Variants in KIAA0753 observed in about 807,000 individuals in gnomAD.
KIAA0753 encodes KIAA0753.
Under a neutral mutation model 116.9 loss-of-function variants are expected in KIAA0753, and 114 were observed. The ratio of observed to expected loss-of-function variants is 0.98; its 90% CI spans 0.84 to 1.14. The LOEUF is 1.14. Among genes scored for constraint, KIAA0753 ranks in the 50% most tolerant of loss-of-function variants. The probability of loss-of-function intolerance (pLI) is 0.00; values close to 1 mark genes in which losing one functional copy is unlikely to be tolerated. For synonymous variants in KIAA0753, 405 were observed against 413.1 expected, an observed-to-expected ratio of 0.98 and a Z score of 0.24; for missense variants, 1,156 against 1,172.4, an observed-to-expected ratio of 0.99 and a Z score of 0.20.
At chr17:6,584,508 G>T (rs1397153815) in intron 18 of KIAA0753, among the ~76,000 whole-genome samples, 1 of 152,054 alleles carries the variant, frequency 6.6e-6, no homozygotes, top group Non-Finnish European at 1.5e-5. Flanking sequence ...AAATACAAGG[G>T]TACTTCTGCT....
chr17:6,635,364 C>A, intron 1 of KIAA0753, 193 bp from the exon 2 acceptor site: 1 of 243,544 alleles, frequency 4.1e-6, no homozygotes, highest in Non-Finnish European at 6.9e-6. Flanking sequence ...TGGAAGTTCC[C>A]AATTTCAAAA....
chr17:6,598,402 A>G (rs1248512198), intron 14 of KIAA0753, among the ~76,000 whole-genome samples: 1 of 152,216 alleles, frequency 6.6e-6, no homozygotes, highest in Non-Finnish European at 1.5e-5. Flanking sequence ...TTATGAAAAT[A>G]TGTTACAGCT....
intron 18 of KIAA0753, among the ~76,000 whole-genome samples, chr17:6,587,728 G>A (rs1968685252): frequency 6.6e-6 from 1 of 152,156 alleles, no homozygotes; most frequent in Admixed American, 6.5e-5. Context: ...ATATACCAAA[G>A]AAAAGTCTCA....
chr17:6,609,917 T>C (rs1302054969), intron 9 of KIAA0753, 77 bp downstream of exon 9: 6 of 1,511,244 alleles, frequency 4.0e-6, no homozygotes, highest in Non-Finnish European at 5.4e-6. Flanking sequence ...TTGCTCCTTA[T>C]AAGCTACAGG....
At chr17:6,619,208 A>G (rs1417989782) in intron 7 of KIAA0753, among the ~76,000 whole-genome samples, 1 of 152,080 alleles carries the variant, frequency 6.6e-6, no homozygotes, top group Non-Finnish European at 1.5e-5. Context: ...CAGCCTGGAC[A>G]ACGGAGCGAG....
chr17:6,610,769 C>T (rs1209796164), intron 8 of KIAA0753, among the ~76,000 whole-genome samples: 1 of 152,042 alleles, frequency 6.6e-6, no homozygotes, highest in Non-Finnish European at 1.5e-5. Context: ...ATGAGTAAAA[C>T]ATTTTTCATA....
At chr17:6,605,521 T>C (rs185142939) in intron 12 of KIAA0753, among the ~76,000 whole-genome samples, 240 of 152,352 alleles carry the variant, frequency 1.6e-3, no homozygotes, top group Non-Finnish European at 3.0e-3. Flanking sequence ...CTGTTCAACC[T>C]GTCTTCCCCT....
At chr17:6,585,347 C>A (rs1968496910) in intron 18 of KIAA0753, among the ~76,000 whole-genome samples, 1 of 152,122 alleles carries the variant, frequency 6.6e-6, no homozygotes, top group African/African-American at 2.4e-5. Context: ...GTGTTCTGTT[C>A]TATTCATTTA....
rs530304205 is a variant in KIAA0753, at chr17:6,597,147, C to T, written c.2173-804G>A. Among the ~76,000 whole-genome samples the T allele has an allele frequency of 5.9e-5, 9 of 152,292 alleles. No individual in the cohort carries two copies. The East Asian group carries it at 9.6e-4, about 16-fold the overall frequency. Reference sequence around the variant, plus strand: ...TGTAGGGATTTCATAAGAGCTTGCACGCTGAGACACTTAGCATAGTGCTCG... The same window carrying T: ...TGTAGGGATTTCATAAGAGCTTGCATGCTGAGACACTTAGCATAGTGCTCG... On this transcript the variant is annotated intron_variant, in intron 14 of 18. Coordinates refer to ENST00000361413, the MANE Select transcript of KIAA0753 (RefSeq NM_014804.3).
Position 6,628,420 on chromosome 17 carries a change from T to C in KIAA0753, c.415A>G (p.Ile139Val), listed in dbSNP as rs1397577828. The change falls in exon 3 of 19, where the codon ATA becomes GTA. Residue 139 changes from isoleucine (I) to valine (V), a missense_variant. By Grantham distance (29) the Ile-to-Val change is conservative. Coordinates refer to ENST00000361413, the MANE Select transcript of KIAA0753 (RefSeq NM_014804.3). ...TTCCTTTCCACCCTGTGGTCGGGTA[T>C]TTTATACTTAGTATGTCCACACTTC... ...SQKCGHTKYK[I>V]PDHRVERKES... 1.9e-6 allele frequency: 3 copies of C among 1,614,212 alleles called. No individual in the cohort carries two copies. Among genetic ancestry groups the C allele is most frequent in the Non-Finnish European group, 2.5e-6 (3 of 1,180,034 alleles).
chr17:6,590,842 A>G (rs911411920), intron 16 of KIAA0753, among the ~76,000 whole-genome samples: 2 of 152,146 alleles, frequency 1.3e-5, no homozygotes, highest in African/African-American at 4.8e-5. Flanking sequence ...ACGTTTTAAG[A>G]AATAATGAAC....
At chr17:6,594,831 C>CA in intron 16 of KIAA0753, 141 bp downstream of exon 16, 1 of 668,384 alleles carries the variant, frequency 1.5e-6, no homozygotes, top group Non-Finnish European at 2.6e-6. Flanking sequence ...AAATAGGTGA[C>CA]AAAGCAAAGA....
chr17:6,593,872 G>A (rs1969271171), intron 16 of KIAA0753, among the ~76,000 whole-genome samples: 1 of 152,148 alleles, frequency 6.6e-6, no homozygotes, highest in Admixed American at 6.6e-5. Context: ...GGAACAGAGT[G>A]AAACTGTGAC....
chr17:6,629,842 A>AT (rs1567588261), intron 2 of KIAA0753, among the ~76,000 whole-genome samples: 7 of 152,366 alleles, frequency 4.6e-5, no homozygotes, highest in Admixed American at 3.9e-4. Flanking sequence ...AGCTCACTAA[A>AT]GAAAAAACAA....
chr17:6,635,087 G>A lies in KIAA0753; in HGVS notation c.17C>T (p.Pro6Leu). The part of the protein sequence containing the change: MGPGQ[P>L]ASTCVHLAPR... The stretch of plus-strand genomic sequence containing the variant: ...TGCTAGATGAACACAGGTTGAAGCT[G>A]GCTGGCCTGGTCCCATAATGTCAGG... Residue 6 changes from proline to leucine, a missense_variant, in exon 2 of 19, where the codon CCA (proline) becomes CTA (leucine). Physicochemically the swap from Pro to Leu is moderately conservative, Grantham distance 98. Transcript: ENST00000361413. The A allele has an allele frequency of 6.2e-7, 1 of 1,613,736 alleles. No individual in the cohort carries two copies. The highest frequency in any genetic ancestry group is 1.3e-5 in the African/African-American group (1 of 75,012).
intron 7 of KIAA0753, among the ~76,000 whole-genome samples, chr17:6,615,003 T>C (rs1263126204): frequency 6.6e-6 from 1 of 152,160 alleles, no homozygotes; most frequent in Non-Finnish European, 1.5e-5. Flanking sequence ...TTCACCATGT[T>C]GGCCAGGCTG....
chr17:6,634,987 A>T (rs764522482), intron 2 of KIAA0753, 24 bp downstream of exon 2: 5 of 1,433,494 alleles, frequency 3.5e-6, no homozygotes, highest in Admixed American at 1.7e-5. Flanking sequence ...TAATAATAAA[A>T]ATCTCAGGCA....
At chr17:6,637,386 G>A (rs1972394714) in intron 1 of KIAA0753, 2 of 152,370 alleles carry the variant, frequency 1.3e-5, no homozygotes, top group African/African-American at 4.8e-5. Context: ...TGGCAGCTGT[G>A]GGCCCCTCAG....
chr17:6,622,776 T>C (rs1478069614), intron 6 of KIAA0753, 106 bp downstream of exon 6: 4 of 933,732 alleles, frequency 4.3e-6, no homozygotes, highest in South Asian at 3.0e-5. Flanking sequence ...TTTAATTCAC[T>C]AGGTAATGGC....
Sources: allele counts gnomAD v4.1 joint callset (sites outside exome capture counted in the v4.1 genomes callset), GRCh38; gene constraint gnomAD v4.1.1; transcripts MANE v1.5; gene names NCBI Gene and HGNC (gene_info 2026-07-23, HGNC 2026-07-21).